Variants in PDE4B observed in about 807,000 individuals in gnomAD.
PDE4B encodes phosphodiesterase 4B, also known as 3',5'-cyclic-AMP phosphodiesterase 4B.
A neutral mutation model predicts 82.2 loss-of-function variants in PDE4B; 20 were observed. That is an observed-to-expected ratio of 0.24 (90% CI 0.17 to 0.35). The LOEUF is 0.35. Among genes scored for constraint, PDE4B ranks in the 10% least tolerant of loss-of-function variants. The pLI is 1.00. For synonymous variants in PDE4B, 320 were observed against 318.9 expected (o/e 1.00, Z -0.04); for missense variants, 655 against 907.2 (o/e 0.72, Z 3.57).
intron 3 of PDE4B, among the ~76,000 whole-genome samples, chr1:66,054,857 T>C (rs573099482): frequency 1.3e-5 from 2 of 152,298 alleles, no homozygotes; most frequent in Admixed American, 1.3e-4. Context: ...AGTGTTATTG[T>C]TTCCCTAATC....
chr1:66,006,404 CATTTGG>C (rs1569951799), intron 3 of PDE4B, among the ~76,000 whole-genome samples: 1 of 152,248 alleles, frequency 6.6e-6, no homozygotes, highest in East Asian at 1.9e-4. Flanking sequence ...AGTATATAGT[CATTTGG>C]CATGTCAAAT....
At chr1:65,893,575 A>C (rs1451594636) in intron 1 of PDE4B, among the ~76,000 whole-genome samples, 2 of 152,124 alleles carry the variant, frequency 1.3e-5, no homozygotes, top group African/African-American at 4.8e-5. Flanking sequence ...CCACCATGGA[A>C]GACAGTATGG....
intron 3 of PDE4B, among the ~76,000 whole-genome samples, chr1:65,919,037 A>C (rs1255131133): frequency 6.6e-6 from 1 of 152,238 alleles, no homozygotes; most frequent in Non-Finnish European, 1.5e-5. Flanking sequence ...TGGAAGGAAC[A>C]TGCTTCATTT....
intron 7 of PDE4B, among the ~76,000 whole-genome samples, chr1:66,322,208 C>A (rs968141581): frequency 6.6e-6 from 1 of 152,118 alleles, no homozygotes; most frequent in African/African-American, 2.4e-5. Context: ...AGATCTAACA[C>A]CATAAAAACC....
intron 3 of PDE4B, among the ~76,000 whole-genome samples, chr1:66,156,992 C>A (rs1282510380): frequency 1.3e-5 from 2 of 152,148 alleles, no homozygotes; most frequent in African/African-American, 4.8e-5. Flanking sequence ...CTATCTTCAA[C>A]CCAGTTCTCT....
intron 7 of PDE4B, among the ~76,000 whole-genome samples, chr1:66,320,827 C>T (rs1310634620): frequency 6.6e-6 from 1 of 152,128 alleles, no homozygotes; most frequent in African/African-American, 2.4e-5. Context: ...AGGAAGGAGG[C>T]TTAATCCAAC....
intron 3 of PDE4B, among the ~76,000 whole-genome samples, chr1:66,089,139 T>TA (rs994834914): frequency 1.4e-4 from 22 of 152,198 alleles, no homozygotes; most frequent in African/African-American, 5.3e-4. Context: ...TGACTAACTG[T>TA]AAAAAAGTTA....
At chr1:66,248,194 G>A (rs1216248688) in intron 4 of PDE4B, among the ~76,000 whole-genome samples, 2 of 152,196 alleles carry the variant, frequency 1.3e-5, no homozygotes, top group Admixed American at 1.3e-4. Flanking sequence ...ACACTCCACC[G>A]CCCTGTAAAG....
intron 3 of PDE4B, among the ~76,000 whole-genome samples, chr1:66,033,153 A>G (rs1386854095): frequency 1.3e-5 from 2 of 152,072 alleles, no homozygotes; most frequent in African/African-American, 2.4e-5. Context: ...TTAGTGGCCC[A>G]TATGTTTATT....
chr1:65,822,609 G>T (rs1300422154), intron 1 of PDE4B, among the ~76,000 whole-genome samples: 1 of 152,144 alleles, frequency 6.6e-6, no homozygotes, highest in East Asian at 1.9e-4. Flanking sequence ...AGGTAATTTG[G>T]TCATGAGGGC....
chr1:66,141,941 C>G (rs1418255165), intron 3 of PDE4B, among the ~76,000 whole-genome samples: 1 of 152,062 alleles, frequency 6.6e-6, no homozygotes, highest in Non-Finnish European at 1.5e-5. Flanking sequence ...TACTTTTATT[C>G]CCCCCACCAA....
intron 3 of PDE4B, among the ~76,000 whole-genome samples, chr1:66,113,650 A>G (rs938093291): frequency 6.6e-6 from 1 of 152,222 alleles, no homozygotes; most frequent in South Asian, 2.1e-4. Flanking sequence ...GCATGATTCC[A>G]TATGTAAGGT....
intron 4 of PDE4B, among the ~76,000 whole-genome samples, chr1:66,251,690 CA>C (rs1280880036): frequency 6.6e-6 from 1 of 152,076 alleles, no homozygotes; most frequent in Non-Finnish European, 1.5e-5. Flanking sequence ...AGGAGTCAGG[CA>C]GGCAGAGGAA....
chr1:66,064,052 A>T (rs1157925150), intron 3 of PDE4B, among the ~76,000 whole-genome samples: 1 of 152,012 alleles, frequency 6.6e-6, no homozygotes, highest in Admixed American at 6.6e-5. Flanking sequence ...TTCTTCGGAG[A>T]GTAATAAGAT....
intron 3 of PDE4B, among the ~76,000 whole-genome samples, chr1:66,078,818 G>A (rs1329637824): frequency 6.6e-6 from 1 of 152,046 alleles, no homozygotes; most frequent in Non-Finnish European, 1.5e-5. Flanking sequence ...ATACGTGAGA[G>A]GTTCTAGCAG....
intron 3 of PDE4B, among the ~76,000 whole-genome samples, chr1:66,177,650 G>A (rs553650525): frequency 6.6e-6 from 1 of 152,228 alleles, no homozygotes; most frequent in African/African-American, 2.4e-5. Context: ...CTGCAGGCAG[G>A]AAAAGTCAAG....
At chr1:66,241,652 C>T (rs1182330974) in intron 3 of PDE4B, among the ~76,000 whole-genome samples, 3 of 152,104 alleles carry the variant, frequency 2.0e-5, no homozygotes, top group Non-Finnish European at 4.4e-5. Context: ...TTTCTGAGTA[C>T]AACCGAGGAG....
chr1:65,975,651 G>A lies in PDE4B; in HGVS notation c.281+56816G>A, dbSNP rs138263921. On this transcript the variant is annotated intron_variant, in intron 3 of 16. Coordinates refer to ENST00000341517, the MANE Select transcript of PDE4B (RefSeq NM_002600.4). ...AAAATGGTTTTGTGGACCTGGCCCAGGGCCCTGTTGCTGTCTGTAGCCTTG... is the reference window on the plus strand; with the variant it reads ...AAAATGGTTTTGTGGACCTGGCCCAAGGCCCTGTTGCTGTCTGTAGCCTTG... Among the ~76,000 whole-genome samples the A allele has an allele frequency of 2.4e-3, 358 of 152,292 alleles. 3 individuals are homozygous for A. The highest frequency in any genetic ancestry group is 3.9e-3 in the Non-Finnish European group (265 of 68,030).
chr1:65,970,645 G>T (rs1333288427), intron 3 of PDE4B, among the ~76,000 whole-genome samples: 1 of 152,068 alleles, frequency 6.6e-6, no homozygotes, highest in African/African-American at 2.4e-5. Flanking sequence ...CTATGGTAAA[G>T]GTATCTACTG....
Sources: gnomAD v4.1 joint callset for allele counts (sites outside exome capture counted in the v4.1 genomes callset) on GRCh38, gnomAD v4.1.1 for gene constraint, MANE v1.5 for transcripts, NCBI Gene and HGNC (gene_info 2026-07-23, HGNC 2026-07-21) for gene names.